PDE10A: variants seen among roughly 807,000 people sequenced by gnomAD.
PDE10A encodes phosphodiesterase 10A, also known as cAMP and cAMP-inhibited cGMP 3',5'-cyclic phosphodiesterase 10A.
In PDE10A, 39 loss-of-function variants were observed where a neutral mutation model predicts 97.7. The observed-to-expected ratio is 0.40, with a 90% CI of 0.31 to 0.52. PDE10A has a LOEUF of 0.52. Among genes scored for constraint, PDE10A ranks in the 20% least tolerant of loss-of-function variants. The probability of loss-of-function intolerance (pLI) is 0.56; values close to 1 mark genes in which losing one functional copy is unlikely to be tolerated. For missense variants in PDE10A, 731 were observed against 1,047.8 expected (o/e 0.70, Z 4.17); for synonymous variants, 371 against 376.8 (o/e 0.98, Z 0.18).
At chr6:165,531,135 C>T (rs1320575481) in intron 2 of PDE10A, among the ~76,000 whole-genome samples, 2 of 151,900 alleles carry the variant, frequency 1.3e-5, no homozygotes, top group Admixed American at 6.6e-5. Context: ...CTTTCCAAAC[C>T]CCCAGAGGAG....
At chr6:165,739,112 A>G (rs1792654483) in intron 1 of PDE10A, among the ~76,000 whole-genome samples, 2 of 152,230 alleles carry the variant, frequency 1.3e-5, no homozygotes, top group South Asian at 4.1e-4. Flanking sequence ...TTCCAATGGC[A>G]TTTTCCACAG....
At chr6:165,895,165 T>A (rs1781910312) in intron 1 of PDE10A, among the ~76,000 whole-genome samples, 2 of 149,280 alleles carry the variant, frequency 1.3e-5, no homozygotes, top group South Asian at 4.4e-4. Context: ...AACTCCTAAC[T>A]GCAGTACTTG....
At chr6:165,464,715 T>A (rs1778532723) in intron 3 of PDE10A, among the ~76,000 whole-genome samples, 1 of 152,134 alleles carries the variant, frequency 6.6e-6, no homozygotes, top group Non-Finnish European at 1.5e-5. Context: ...CATAGATTAG[T>A]TTTGCCAGCT....
chr6:165,886,520 A>T (rs181374720), intron 1 of PDE10A, among the ~76,000 whole-genome samples: 389 of 152,376 alleles, frequency 2.6e-3, no homozygotes, highest in African/African-American at 8.6e-3. Flanking sequence ...AAGTGAGTAC[A>T]GGAACAGGAC....
At chr6:165,373,732 T>C (rs1200174630) in intron 18 of PDE10A, among the ~76,000 whole-genome samples, 1 of 152,124 alleles carries the variant, frequency 6.6e-6, no homozygotes, top group East Asian at 1.9e-4. Context: ...CATTACTGGG[T>C]ATATACCCAA....
At chr6:165,589,776 C>G (rs115559656) in intron 1 of PDE10A, among the ~76,000 whole-genome samples, 1 of 152,094 alleles carries the variant, frequency 6.6e-6, no homozygotes, top group Admixed American at 6.5e-5. Context: ...GGCTAAATAA[C>G]TTATCTGCAT....
intron 1 of PDE10A, among the ~76,000 whole-genome samples, chr6:165,742,101 A>T (rs1792740555): frequency 6.6e-6 from 1 of 152,228 alleles, no homozygotes; most frequent in South Asian, 2.1e-4. Flanking sequence ...TCATTTAATT[A>T]TCACACCTAC....
At chr6:165,847,660 C>G (rs565674701) in intron 1 of PDE10A, among the ~76,000 whole-genome samples, 21 of 152,356 alleles carry the variant, frequency 1.4e-4, no homozygotes, top group South Asian at 2.1e-4. Context: ...TTTCTGATAA[C>G]GTCTTGCTTT....
At chr6:165,945,569 C>A (rs1465093357) in intron 1 of PDE10A, among the ~76,000 whole-genome samples, 1 of 152,056 alleles carries the variant, frequency 6.6e-6, no homozygotes, top group Non-Finnish European at 1.5e-5. Context: ...GGATTGGTGC[C>A]CTTATAAAAG....
At chr6:165,884,140 G>A (rs1160302795) in intron 1 of PDE10A, among the ~76,000 whole-genome samples, 1 of 152,186 alleles carries the variant, frequency 6.6e-6, no homozygotes, top group East Asian at 1.9e-4. Flanking sequence ...CAACGGCACA[G>A]GAATCGGGGA....
chr6:165,926,952 CA>C (rs1562801321), intron 1 of PDE10A, among the ~76,000 whole-genome samples: 1 of 151,766 alleles, frequency 6.6e-6, no homozygotes, highest in African/African-American at 2.4e-5. Context: ...ACTATAGAAA[CA>C]AACTTATGGA....
intron 1 of PDE10A, among the ~76,000 whole-genome samples, chr6:165,577,837 G>C (rs1785397531): frequency 6.6e-6 from 1 of 152,208 alleles, no homozygotes; most frequent in Admixed American, 6.5e-5. Context: ...TCCTAGGACG[G>C]ACGGGAAACT....
At chr6:165,538,626 A>G (rs1583494433) in intron 2 of PDE10A, among the ~76,000 whole-genome samples, 1 of 152,158 alleles carries the variant, frequency 6.6e-6, no homozygotes, top group Admixed American at 6.5e-5. Context: ...AATACCACCG[A>G]CACTGTCAAC....
intron 1 of PDE10A, among the ~76,000 whole-genome samples, chr6:165,884,897 G>C (rs184591465): frequency 1.3e-5 from 2 of 152,344 alleles, no homozygotes; most frequent in East Asian, 3.9e-4. Context: ...TTAGGGGAAG[G>C]AAATAAACAC....
rs932041966 is a variant in PDE10A at position 165,331,926 on chromosome 6, T to G, written c.*1099A>C. The G allele has an allele frequency of 6.6e-6, 1 of 152,208 alleles. No individual in the cohort carries two copies. The highest frequency in any genetic ancestry group is 2.4e-5 in the African/African-American group (1 of 41,454). 9.4% of individuals were successfully genotyped at this position (152,208 alleles called of 1,614,324 possible). On this transcript the variant is annotated 3_prime_UTR_variant, in exon 22 of 22. Transcript: ENST00000539869. ...TGTTTCTGTGCTATGGACAGAAAGC[T>G]CATGAAATACGACCGTGCAGTACGT...
At chr6:165,351,579 G>T (rs1782696706) in intron 18 of PDE10A, among the ~76,000 whole-genome samples, 1 of 152,144 alleles carries the variant, frequency 6.6e-6, no homozygotes, top group South Asian at 2.1e-4. Context: ...CTATGTGCTA[G>T]ACACTGTCAT....
chr6:165,933,914 G>A (rs938660098), intron 1 of PDE10A, among the ~76,000 whole-genome samples: 5 of 152,074 alleles, frequency 3.3e-5, no homozygotes, highest in African/African-American at 1.2e-4. Context: ...ACAGCAAGAG[G>A]GGTTTGTGAA....
At chr6:165,558,134 G>A (rs201934738) in intron 1 of PDE10A, among the ~76,000 whole-genome samples, 2 of 152,216 alleles carry the variant, frequency 1.3e-5, no homozygotes, top group East Asian at 3.9e-4. Context: ...AAATCATGCT[G>A]CTATAAAGAC....
At chr6:165,877,000 T>C (rs185374265) in intron 1 of PDE10A, among the ~76,000 whole-genome samples, 22 of 152,202 alleles carry the variant, frequency 1.4e-4, no homozygotes, top group Non-Finnish European at 2.6e-4. Context: ...ATTCAAAATT[T>C]ATATTTGAAG....
Sources: gnomAD v4.1 joint callset for allele counts (sites outside exome capture counted in the v4.1 genomes callset) on GRCh38, gnomAD v4.1.1 for gene constraint, MANE v1.5 for transcripts, NCBI Gene and HGNC (gene_info 2026-07-23, HGNC 2026-07-21) for gene names.